NBPF14: variants seen among roughly 807,000 people sequenced by gnomAD.
The protein encoded by NBPF14 is NBPF member 14.
A neutral mutation model predicts 91.2 loss-of-function variants in NBPF14; 104 were observed. The ratio of observed to expected loss-of-function variants is 1.14; its 90% CI spans 0.97 to 1.34. The LOEUF (loss-of-function observed/expected upper bound fraction) is 1.34. Ranked by LOEUF, NBPF14 falls within the 40% of genes most tolerant of loss-of-function variation. The probability of loss-of-function intolerance (pLI) is 0.00; values close to 1 mark genes in which losing one functional copy is unlikely to be tolerated. For missense variants in NBPF14, 908 were observed against 783.0 expected, an observed-to-expected ratio of 1.16 and a Z score of -1.91; for synonymous variants, 294 against 303.8, an observed-to-expected ratio of 0.97 and a Z score of 0.34.
At position 148,592,643 on chromosome 1, in the gene NBPF14, A is replaced by T. The variant is rs1662698379; in HGVS notation, c.402T>A (p.Tyr134Ter). ...CCTGCCCCTGGGACTTGTCCGGCTC[A>T]TACGGAGTGAGGAGGGCCTGGAGAT... is the stretch of plus-strand genomic sequence containing the variant. Residue 134 changes from tyrosine (Y) to a stop codon, truncating the protein, a stop_gained, in exon 4 of 71, where the codon TAT (tyrosine) becomes TAA (stop). Coordinates refer to ENST00000619423, the Ensembl canonical transcript of NBPF14. LOFTEE classifies it high-confidence loss of function. 2.5e-6 allele frequency: 4 copies of T among 1,588,234 alleles called. No homozygotes were observed. Among genetic ancestry groups the T allele is most frequent in the Non-Finnish European group, 3.4e-6 (4 of 1,162,306 alleles).
chr1:148,595,072 C>T (rs1432470240), intron 2 of NBPF14, among the ~76,000 whole-genome samples: 8 of 140,840 alleles, frequency 5.7e-5, no homozygotes, highest in Non-Finnish European at 1.1e-4. Flanking sequence ...TGAAGCCCCT[C>T]AGAGCAGGTA....
At chr1:148,532,223 G>C (rs1404618054) in exon 71 of NBPF14, 2 of 151,102 alleles carry the variant, frequency 1.3e-5, no homozygotes, top group South Asian at 2.1e-4. Flanking sequence ...TTCTGCAGTT[G>C]TCTGGTGATT....
intron 14 of NBPF14, among the ~76,000 whole-genome samples, chr1:148,577,721 G>A (rs1351328986): frequency 4.9e-5 from 7 of 143,722 alleles, no homozygotes; most frequent in Non-Finnish European, 9.0e-5. Flanking sequence ...TGCATAAAAT[G>A]TGCTCAAGTT....
chr1:148,559,352 G>T (rs1379591298), intron 37 of NBPF14, among the ~76,000 whole-genome samples: 1 of 129,054 alleles, frequency 7.7e-6, no homozygotes, highest in Non-Finnish European at 1.5e-5. Context: ...TTTTCCAATC[G>T]ATTTAAAGCA....
At chr1:148,533,763 T>G in intron 70 of NBPF14, 98 bp downstream of exon 70, 1 of 761,748 alleles carries the variant, frequency 1.3e-6, no homozygotes, top group East Asian at 2.4e-5. Context: ...AATTCAGCCT[T>G]TGTTGAAAAT....
At chr1:148,534,720 C>T (rs1654715872) in exon 69 of NBPF14, 1 of 838,780 alleles carries the variant, frequency 1.2e-6, no homozygotes, top group African/African-American at 1.7e-5. Context: ...TACTGTTCCT[C>T]CAATGAGTAA....
chr1:148,535,998 G>C (rs1655127255), intron 67 of NBPF14, among the ~76,000 whole-genome samples: 1 of 150,666 alleles, frequency 6.6e-6, no homozygotes. Flanking sequence ...AGTAGGATTA[G>C]GGCGCCACAG....
At chr1:148,559,385 G>C (rs1488569307) in intron 37 of NBPF14, among the ~76,000 whole-genome samples, 17 of 133,460 alleles carry the variant, frequency 1.3e-4, no homozygotes, top group Non-Finnish European at 2.4e-4. Flanking sequence ...TGGTTGCTAG[G>C]AGAAAAACTG....
chr1:148,577,564 A>G lies in NBPF14; in HGVS notation c.1854-209T>C, dbSNP rs1188605469. 4.0e-3 allele frequency among the ~76,000 whole-genome samples: 606 copies of G among 150,936 alleles called. 3 individuals are homozygous for G. The highest frequency in any genetic ancestry group is 0.011 in the Admixed American group (161 of 15,232). ...GAAAGACACACACACACACACACAC[A>G]CACACACACACACTCACACACACAC... On this transcript the variant is annotated intron_variant, in intron 14 of 70. Transcript: ENST00000619423.
intron 8 of NBPF14, 83 bp downstream of exon 8, chr1:148,587,218 G>A (rs1354141255): frequency 8.2e-7 from 1 of 1,223,204 alleles, no homozygotes; most frequent in East Asian, 2.3e-5. Flanking sequence ...GCCCAGCTGA[G>A]CTCTTACGTC....
At chr1:148,533,998 C>T (rs782539938) in intron 69 of NBPF14, 29 bp from the exon 70 acceptor site, 13 of 690,270 alleles carry the variant, frequency 1.9e-5, no homozygotes, top group Admixed American at 1.0e-4. Flanking sequence ...TGGACAGACA[C>T]ATTAAGCTGA....
rs1420394592 is a variant in NBPF14 at position 148,554,769 on chromosome 1, C to G, written c.5461+311G>C. On this transcript the variant is annotated intron_variant, in intron 43 of 70. Transcript: ENST00000619423. ...TGAAATTAGAGTGAAGGATGAAATC[C>G]ACAAGATCTACAAAATTGAGACAAA... Among the ~76,000 whole-genome samples the G allele has an allele frequency of 3.0e-4, 44 of 146,608 alleles. 1 individual carries two copies. The highest frequency in any genetic ancestry group is 1.2e-3 in the African/African-American group (44 of 36,804).
chr1:148,559,247 T>A (rs1657140301), intron 37 of NBPF14, among the ~76,000 whole-genome samples, 175 bp from the exon 38 acceptor site: 3 of 111,584 alleles, frequency 2.7e-5, no homozygotes. Context: ...ATTCCTTGGT[T>A]TTTGTCCCAG....
chr1:148,575,992 A>G (rs1659630638), intron 16 of NBPF14, among the ~76,000 whole-genome samples, 181 bp from the exon 17 acceptor site: 1 of 145,758 alleles, frequency 6.9e-6, no homozygotes, highest in Non-Finnish European at 1.5e-5. Flanking sequence ...AAAGAATGAA[A>G]GAGAAAGACA....
At chr1:148,579,744 C>A (rs1313933640) in intron 12 of NBPF14, among the ~76,000 whole-genome samples, 43 of 152,090 alleles carry the variant, frequency 2.8e-4, no homozygotes, top group African/African-American at 9.2e-4. Context: ...AGCATATATA[C>A]ACCTCTCCCT....
chr1:148,574,472 CAGAGAGAGAGAG>C (rs1177707680), intron 18 of NBPF14, among the ~76,000 whole-genome samples: 34 of 21,768 alleles, frequency 1.6e-3, no homozygotes, highest in African/African-American at 7.1e-3. Context: ...CACACACACA[CAGAGAGAGAGAG>C]AGAGAACGAG....
In NBPF14 at chr1:148,595,489, G is replaced by A. The variant is rs1486016448; in HGVS notation, c.175+54C>T. Reference sequence around the variant, plus strand: ...TGGAGAGAGCATTTAGTGTCTCAGAGAGAAGACAGGATATCATTCATCACT... The same window carrying A: ...TGGAGAGAGCATTTAGTGTCTCAGAAAGAAGACAGGATATCATTCATCACT... On this transcript the variant is annotated intron_variant, in intron 2 of 70. Transcript: ENST00000619423. 6.6e-6 allele frequency: 8 copies of A among 1,216,742 alleles called. 1 individual carries two copies. The highest frequency in any genetic ancestry group is 9.5e-6 in the Non-Finnish European group (8 of 838,824). 75.4% of individuals were successfully genotyped at this position (1,216,742 alleles called of 1,614,324 possible).
chr1:148,535,653 T>A, intron 67 of NBPF14, 149 bp from the exon 68 acceptor site: 2 of 209,898 alleles, frequency 9.5e-6, no homozygotes, highest in South Asian at 5.5e-5. Context: ...GCCTGAAGGC[T>A]GATCACCATA....
intron 36 of NBPF14, among the ~76,000 whole-genome samples, chr1:148,560,264 G>T (rs1358657075): frequency 1.4e-5 from 2 of 146,358 alleles, no homozygotes; most frequent in African/African-American, 5.3e-5. Context: ...CTCTGAGTTA[G>T]TGCCCTCATG....
Sources: allele counts gnomAD v4.1 joint callset (sites outside exome capture counted in the v4.1 genomes callset), GRCh38; gene constraint gnomAD v4.1.1; transcripts MANE v1.5; gene names NCBI Gene and HGNC (gene_info 2026-07-23, HGNC 2026-07-21).